TCF12: variants seen among roughly 807,000 people sequenced by gnomAD.
TCF12 encodes transcription factor 12.
A neutral mutation model predicts 86.0 loss-of-function variants in TCF12; 45 were observed. The observed-to-expected ratio is 0.52, with a 90% CI of 0.41 to 0.67. TCF12 has a LOEUF of 0.67. Among genes scored for constraint, TCF12 ranks in the 30% least tolerant of loss-of-function variants. The pLI, the probability that TCF12 is intolerant of heterozygous loss-of-function variation, is 0.00. For synonymous variants in TCF12, 330 were observed against 299.6 expected (o/e 1.10, Z -1.05); for missense variants, 881 against 859.9 (o/e 1.02, Z -0.31).
At chr15:57,131,342 C>T (rs190513239) in intron 5 of TCF12, among the ~76,000 whole-genome samples, 2 of 152,238 alleles carry the variant, frequency 1.3e-5, no homozygotes. Context: ...GCATGGAAAG[C>T]TCAACCTATG....
chr15:57,183,629 A>G (rs1390209000), intron 6 of TCF12, among the ~76,000 whole-genome samples: 2 of 152,136 alleles, frequency 1.3e-5, no homozygotes, highest in Non-Finnish European at 1.5e-5. Context: ...TAAAAATATC[A>G]TTCGTCTCAT....
chr15:57,161,871 TTAA>T (rs371336463), intron 5 of TCF12, among the ~76,000 whole-genome samples: 216 of 152,356 alleles, frequency 1.4e-3, no homozygotes, highest in Non-Finnish European at 2.1e-3. Flanking sequence ...CTAAATCTTA[TTAA>T]TGTGTTAATA....
chr15:57,291,286 A>T (rs1258444441), downstream of TCF12, among the ~76,000 whole-genome samples: 1 of 152,116 alleles, frequency 6.6e-6, no homozygotes, highest in Non-Finnish European at 1.5e-5. Flanking sequence ...TACTGAATAC[A>T]ATGTAAATCC....
chr15:57,024,059 A>G (rs1472671583), intron 3 of TCF12, among the ~76,000 whole-genome samples: 3 of 152,116 alleles, frequency 2.0e-5, no homozygotes, highest in African/African-American at 7.2e-5. Flanking sequence ...CTGGTTCCTA[A>G]TAGGCCACAT....
chr15:57,155,038 A>G (rs932697372), intron 5 of TCF12, among the ~76,000 whole-genome samples: 1 of 152,244 alleles, frequency 6.6e-6, no homozygotes, highest in African/African-American at 2.4e-5. Context: ...CTTGTTTCAC[A>G]GATGAGGCAA....
At chr15:57,104,440 T>C (rs1395786441) in intron 5 of TCF12, among the ~76,000 whole-genome samples, 3 of 140,436 alleles carry the variant, frequency 2.1e-5, no homozygotes, top group African/African-American at 7.8e-5. Context: ...TTTTTCTTTT[T>C]TTTTTTTTTT....
At chr15:57,008,744 A>G (rs936200893) in intron 3 of TCF12, among the ~76,000 whole-genome samples, 1 of 152,200 alleles carries the variant, frequency 6.6e-6, no homozygotes, top group Non-Finnish European at 1.5e-5. Context: ...GTGTCTAGCC[A>G]TGTCCATTGC....
intron 3 of TCF12, among the ~76,000 whole-genome samples, chr15:56,953,281 T>G (rs866420710): frequency 3.0e-4 from 45 of 152,236 alleles, no homozygotes; most frequent in African/African-American, 1.0e-3. Context: ...CATGTGTGTT[T>G]ATGAAGAATA....
At chr15:57,257,146 A>T (rs1467305953) in intron 16 of TCF12, among the ~76,000 whole-genome samples, 1 of 152,220 alleles carries the variant, frequency 6.6e-6, no homozygotes, top group African/African-American at 2.4e-5. Flanking sequence ...TTACAAAAAC[A>T]TAGGTCAAGA....
chr15:57,098,008 A>C (rs2733336), intron 5 of TCF12, among the ~76,000 whole-genome samples: 1 of 106,012 alleles, frequency 9.4e-6, no homozygotes, highest in Admixed American at 1.0e-4. Flanking sequence ...ATACAAAAAT[A>C]CAAAAAAAAA....
chr15:57,228,983 G>A (rs532443256), intron 8 of TCF12, among the ~76,000 whole-genome samples: 2 of 152,092 alleles, frequency 1.3e-5, no homozygotes, highest in Admixed American at 1.3e-4. Flanking sequence ...TATCAAGGAT[G>A]ATGTGTATAG....
intron 4 of TCF12, among the ~76,000 whole-genome samples, chr15:57,075,973 C>T (rs1468302543): frequency 6.6e-6 from 1 of 151,046 alleles, no homozygotes; most frequent in Non-Finnish European, 1.5e-5. Context: ...AGGTGATCCT[C>T]TGCCCCTGTC....
intron 8 of TCF12, among the ~76,000 whole-genome samples, chr15:57,230,646 A>T (rs1247028294): frequency 6.6e-6 from 1 of 152,078 alleles, no homozygotes; most frequent in Non-Finnish European, 1.5e-5. Context: ...AAGTTCCTGA[A>T]CAATTGTGTT....
chr15:56,967,108 C>T (rs2062040408), intron 3 of TCF12, among the ~76,000 whole-genome samples: 1 of 151,044 alleles, frequency 6.6e-6, no homozygotes, highest in African/African-American at 2.5e-5. Context: ...GGCAACAGAG[C>T]GAGACTCGGT....
chr15:57,142,996 A>G (rs368526032), intron 5 of TCF12, among the ~76,000 whole-genome samples: 18 of 152,180 alleles, frequency 1.2e-4, no homozygotes, highest in African/African-American at 4.3e-4. Context: ...GTTTTAAAAT[A>G]ACTAAAAGAG....
intron 17 of TCF12, among the ~76,000 whole-genome samples, chr15:57,262,525 G>C (rs573796854): frequency 6.6e-6 from 1 of 152,144 alleles, no homozygotes; most frequent in Non-Finnish European, 1.5e-5. Context: ...GTCTTTAGAG[G>C]CATTGACAGA....
chr15:57,074,055 A>G (rs2069657254), intron 4 of TCF12, among the ~76,000 whole-genome samples: 1 of 151,968 alleles, frequency 6.6e-6, no homozygotes, highest in Non-Finnish European at 1.5e-5. Context: ...CGGCCTTAGA[A>G]GTTTCAGGAT....
intron 18 of TCF12, among the ~76,000 whole-genome samples, chr15:57,269,360 CTTTTTTTTTTTTTTT>C (rs56700978): frequency 1.3e-4 from 4 of 32,000 alleles, no homozygotes; most frequent in South Asian, 1.8e-3. Flanking sequence ...ACAACCCCTG[CTTTTTTTTTTTTTTT>C]TTTTTTTTTT....
intron 3 of TCF12, among the ~76,000 whole-genome samples, chr15:56,978,775 A>G (rs554387596): frequency 6.6e-6 from 1 of 152,324 alleles, no homozygotes; most frequent in South Asian, 2.1e-4. Context: ...CCCTTAGGCC[A>G]GATATTGCTG....
Sources: allele counts gnomAD v4.1 joint callset (sites outside exome capture counted in the v4.1 genomes callset), GRCh38; gene constraint gnomAD v4.1.1; transcripts MANE v1.5; gene names NCBI Gene and HGNC (gene_info 2026-07-23, HGNC 2026-07-21).